The following ADAMTS3 variants were observed in gnomAD, a reference collection of about 807,000 sequenced individuals.
ADAMTS3 encodes the protein ADAM metallopeptidase with thrombospondin type 1 motif 3, also known as A disintegrin and metalloproteinase with thrombospondin motifs 3.
ADAMTS3 carries 73 observed loss-of-function variants against 129.0 expected under a neutral mutation model. The ratio of observed to expected loss-of-function variants is 0.57; its 90% confidence interval spans 0.47 to 0.69. The LOEUF (loss-of-function observed/expected upper bound fraction) is 0.69, where lower values mean the gene tolerates loss of function less well. Among genes scored for constraint, ADAMTS3 ranks in the 30% least tolerant of loss-of-function variants. The pLI is 0.00. For missense variants in ADAMTS3, 1,457 were observed against 1,514.5 expected (o/e 0.96, Z 0.63); for synonymous variants, 477 against 510.8 (o/e 0.93, Z 0.89).
chr4:72,492,675 A>T (rs1480796781), intron 3 of ADAMTS3, among the ~76,000 whole-genome samples: 1 of 151,778 alleles, frequency 6.6e-6, no homozygotes, highest in Admixed American at 6.6e-5. Flanking sequence ...TGTACTGAAA[A>T]GTTCTGTTGC....
chr4:72,415,811 T>G lies in ADAMTS3; in HGVS notation c.505-840A>C, dbSNP rs1722290475. Among the ~76,000 whole-genome samples the G allele has an allele frequency of 5.9e-5, 9 of 152,076 alleles. No homozygotes were observed. In the South Asian group the frequency reaches 1.9e-3, roughly 31 times the overall value. ...ATATTTCTTAAACATCAAGTCCACA[T>G]TACAGTCAAGTAGTTGTGGCTCGTG... On this transcript the variant is annotated intron_variant, in intron 3 of 21. Coordinates refer to ENST00000286657, the MANE Select transcript of ADAMTS3 (RefSeq NM_014243.3).
chr4:72,429,011 T>A (rs1376130282), intron 3 of ADAMTS3, among the ~76,000 whole-genome samples: 1 of 152,082 alleles, frequency 6.6e-6, no homozygotes, highest in Non-Finnish European at 1.5e-5. Flanking sequence ...GACTTTTCCA[T>A]GTTCCAACTC....
At chr4:72,486,852 T>C (rs965673578) in intron 3 of ADAMTS3, among the ~76,000 whole-genome samples, 1 of 152,168 alleles carries the variant, frequency 6.6e-6, no homozygotes, top group Non-Finnish European at 1.5e-5. Context: ...GCTCTATCAC[T>C]TCCTTATTCC....
chr4:72,303,598 T>G (rs1719008278), intron 17 of ADAMTS3, among the ~76,000 whole-genome samples: 2 of 151,848 alleles, frequency 1.3e-5, no homozygotes, highest in South Asian at 2.1e-4. Context: ...ATGTACAAAG[T>G]AGAATGAAAA....
chr4:72,342,964 C>T (rs1720177855), intron 4 of ADAMTS3, among the ~76,000 whole-genome samples: 1 of 152,134 alleles, frequency 6.6e-6, no homozygotes, highest in South Asian at 2.1e-4. Context: ...AGAGGTTTAA[C>T]AGGCAAAAGA....
chr4:72,538,688 A>G (rs970425503), intron 3 of ADAMTS3, among the ~76,000 whole-genome samples: 7 of 152,162 alleles, frequency 4.6e-5, no homozygotes, highest in Non-Finnish European at 8.8e-5. Flanking sequence ...TCTCAAGGGA[A>G]CCCAAATCAC....
intron 3 of ADAMTS3, among the ~76,000 whole-genome samples, chr4:72,449,986 CCA>C (rs1718351626): frequency 6.6e-6 from 1 of 151,626 alleles, no homozygotes; most frequent in Non-Finnish European, 1.5e-5. Flanking sequence ...TCTCCTAATC[CCA>C]CAGTTTTCCT....
chr4:72,304,908 T>C (rs1213913180), intron 16 of ADAMTS3, among the ~76,000 whole-genome samples: 2 of 151,998 alleles, frequency 1.3e-5, no homozygotes, highest in Admixed American at 1.3e-4. Context: ...AATTCTAGGA[T>C]GAAAAATAAG....
chr4:72,550,018 AG>A (rs1249002502), intron 2 of ADAMTS3, among the ~76,000 whole-genome samples: 1 of 2,264 alleles, frequency 4.4e-4, no homozygotes, highest in Admixed American at 4.8e-3. Flanking sequence ...AAGAAGAAGA[AG>A]AAGAAGAAGA....
intron 3 of ADAMTS3, among the ~76,000 whole-genome samples, chr4:72,515,999 G>C (rs191163554): frequency 6.6e-6 from 1 of 152,118 alleles, no homozygotes; most frequent in Non-Finnish European, 1.5e-5. Context: ...AATCCATCTT[G>C]AATTAATTTT....
chr4:72,530,580 T>C (rs1203552525), intron 3 of ADAMTS3, among the ~76,000 whole-genome samples: 1 of 40,816 alleles, frequency 2.5e-5, no homozygotes, highest in East Asian at 8.4e-4. Context: ...ATTTAATATA[T>C]ATTAAATATA....
At chr4:72,325,257 G>C (rs2109814172) in intron 5 of ADAMTS3, among the ~76,000 whole-genome samples, 1 of 152,218 alleles carries the variant, frequency 6.6e-6, no homozygotes, top group Admixed American at 6.5e-5. Flanking sequence ...GTCAATGTTA[G>C]ACAAAAAGCT....
intron 7 of ADAMTS3, among the ~76,000 whole-genome samples, chr4:72,320,362 T>C (rs1719519921): frequency 6.6e-6 from 1 of 152,208 alleles, no homozygotes; most frequent in African/African-American, 2.4e-5. Context: ...TAGATAAATG[T>C]AAGCTGACTT....
At chr4:72,311,301 C>T (rs1030378098) in intron 13 of ADAMTS3, 120 bp from the exon 14 acceptor site, 9 of 884,704 alleles carry the variant, frequency 1.0e-5, no homozygotes, top group East Asian at 5.8e-5. Context: ...AAAGGAATAC[C>T]GTATAAACAA....
intron 3 of ADAMTS3, among the ~76,000 whole-genome samples, chr4:72,515,074 G>C (rs942840542): frequency 6.6e-6 from 1 of 152,088 alleles, no homozygotes; most frequent in Non-Finnish European, 1.5e-5. Flanking sequence ...CTATGAATGA[G>C]AACATGCGGT....
chr4:72,517,811 A>G (rs1199793245), intron 3 of ADAMTS3, among the ~76,000 whole-genome samples: 1 of 151,322 alleles, frequency 6.6e-6, no homozygotes, highest in Non-Finnish European at 1.5e-5. Context: ...TGATTTTTTG[A>G]AGGGTTTTTT....
chr4:72,337,864 C>T (rs1473536255), intron 5 of ADAMTS3, among the ~76,000 whole-genome samples: 1 of 151,974 alleles, frequency 6.6e-6, no homozygotes, highest in Non-Finnish European at 1.5e-5. Flanking sequence ...AGGACAAGAC[C>T]ATATCAAAAT....
At chr4:72,323,893 T>C (rs1056706199) in intron 5 of ADAMTS3, among the ~76,000 whole-genome samples, 1 of 152,150 alleles carries the variant, frequency 6.6e-6, no homozygotes, top group African/African-American at 2.4e-5. Flanking sequence ...ATAAAGCCTG[T>C]AGAAATTATC....
intron 3 of ADAMTS3, among the ~76,000 whole-genome samples, chr4:72,440,526 A>G (rs1718084856): frequency 6.6e-6 from 1 of 151,782 alleles, no homozygotes; most frequent in Non-Finnish European, 1.5e-5. Context: ...CTCAGCCCAA[A>G]ACCACTTCAT....
Sources: allele counts gnomAD v4.1 joint callset (sites outside exome capture counted in the v4.1 genomes callset), GRCh38; gene constraint gnomAD v4.1.1; transcripts MANE v1.5; gene names NCBI Gene and HGNC (gene_info 2026-07-23, HGNC 2026-07-21).